The following OLFM2 variants were observed in gnomAD, a reference collection of about 807,000 sequenced individuals.
OLFM2 encodes the protein olfactomedin 2, also known as noelin-2.
A neutral mutation model predicts 43.9 loss-of-function variants in OLFM2; 20 were observed. The ratio of observed to expected loss-of-function variants is 0.46; its 90% CI spans 0.32 to 0.66. OLFM2 has a LOEUF of 0.66. OLFM2 is among the 30% of genes least tolerant of loss of function. The probability of loss-of-function intolerance (pLI) is 0.04; values close to 1 mark genes in which losing one functional copy is unlikely to be tolerated. For missense variants in OLFM2, 416 were observed against 643.6 expected, an observed-to-expected ratio of 0.65 and a Z score of 3.83; for synonymous variants, 268 against 278.6, an observed-to-expected ratio of 0.96 and a Z score of 0.38.
At chr19:9,870,223 G>A (rs1036197263) in intron 1 of OLFM2, among the ~76,000 whole-genome samples, 20 of 152,166 alleles carry the variant, frequency 1.3e-4, no homozygotes, top group African/African-American at 2.9e-4. Flanking sequence ...GTCATCACAC[G>A]CTGCCCTGCT....
chr19:9,913,558 G>A, intron 1 of OLFM2: 1 of 1,255,328 alleles, frequency 8.0e-7, no homozygotes, highest in African/African-American at 1.6e-5. Context: ...GCGACATCCA[G>A]TTGGTGACCA....
At chr19:9,923,658 GA>G (rs2086434322) in intron 1 of OLFM2, among the ~76,000 whole-genome samples, 2 of 143,614 alleles carry the variant, frequency 1.4e-5, no homozygotes, top group Non-Finnish European at 3.0e-5. Flanking sequence ...GAAAGGAAAA[GA>G]AAAGAAAGAA....
chr19:9,888,559 C>T (rs2046609666), intron 1 of OLFM2, among the ~76,000 whole-genome samples: 1 of 151,564 alleles, frequency 6.6e-6, no homozygotes. Flanking sequence ...CCCTGATCTC[C>T]CCTGGCCAGA....
intron 1 of OLFM2, among the ~76,000 whole-genome samples, chr19:9,919,174 C>CTCTTTCTTTTT (rs1555728844): frequency 8.1e-6 from 1 of 123,120 alleles, no homozygotes; most frequent in Non-Finnish European, 1.8e-5. Flanking sequence ...TCATTTCTCT[C>CTCTTTCTTTTT]TCTTTTTTTT....
At chr19:9,922,107 AGAAAT>A (rs1442297830) in intron 1 of OLFM2, among the ~76,000 whole-genome samples, 1 of 152,068 alleles carries the variant, frequency 6.6e-6, no homozygotes, top group East Asian at 1.9e-4. Context: ...AAAAAAAAAA[AGAAAT>A]GAAATGAAAT....
At chr19:9,859,085 G>C (rs2046346729) in intron 2 of OLFM2, among the ~76,000 whole-genome samples, 1 of 152,238 alleles carries the variant, frequency 6.6e-6, no homozygotes, top group Non-Finnish European at 1.5e-5. Context: ...CTCAGTCAGA[G>C]TTACCACTGG....
At chr19:9,870,590 C>A (rs1168680410) in intron 1 of OLFM2, among the ~76,000 whole-genome samples, 3 of 152,194 alleles carry the variant, frequency 2.0e-5, no homozygotes, top group Admixed American at 6.5e-5. Context: ...TTGTCTTTCC[C>A]TTCCCAGGTC....
intron 1 of OLFM2, among the ~76,000 whole-genome samples, chr19:9,896,487 T>C (rs577323533): frequency 1.3e-5 from 2 of 152,294 alleles, no homozygotes; most frequent in Non-Finnish European, 2.9e-5. Flanking sequence ...AGCCTGGAAC[T>C]CCTGGCTCAA....
chr19:9,925,180 C>T (rs564339562), intron 1 of OLFM2, among the ~76,000 whole-genome samples: 1 of 152,164 alleles, frequency 6.6e-6, no homozygotes, highest in Admixed American at 6.6e-5. Flanking sequence ...TGGCTTGAGT[C>T]CGGAAGGCGG....
intron 1 of OLFM2, among the ~76,000 whole-genome samples, chr19:9,874,468 C>T (rs895736407): frequency 1.3e-5 from 2 of 151,650 alleles, no homozygotes; most frequent in Non-Finnish European, 2.9e-5. Context: ...TGCCCAGCCA[C>T]CACCGGCTTT....
intron 1 of OLFM2, among the ~76,000 whole-genome samples, chr19:9,900,976 A>G (rs1180798558): frequency 4.5e-5 from 2 of 44,880 alleles, no homozygotes; most frequent in African/African-American, 3.6e-4. Context: ...GGAAGGAAGG[A>G]AGGAAGGAAG....
chr19:9,897,416 G>A (rs1302382552), intron 1 of OLFM2, among the ~76,000 whole-genome samples: 1 of 152,012 alleles, frequency 6.6e-6, no homozygotes, highest in Non-Finnish European at 1.5e-5. Flanking sequence ...AGGATTGCCT[G>A]AGCCTAGGGA....
At chr19:9,859,061 C>T (rs981216291) in intron 2 of OLFM2, among the ~76,000 whole-genome samples, 1 of 152,246 alleles carries the variant, frequency 6.6e-6, no homozygotes, top group Non-Finnish European at 1.5e-5. Flanking sequence ...TGGACTCTGC[C>T]TGGCTAAGGT....
rs778203583 is a variant in OLFM2 at position 9,856,928 on chromosome 19, C to T, written c.581-15G>A. ...CTTCCCACAGCCTGGGAGGCAGGAA[C>T]AGGGGGAATGAGGATGGGGAAATGA... On this transcript the variant is annotated splice_polypyrimidine_tract_variant and intron_variant, in intron 4 of 5. Coordinates refer to ENST00000264833, the MANE Select transcript of OLFM2 (RefSeq NM_058164.4). This position sits in a 1 kb window ranked among gnomAD's most constrained non-coding sequence, Gnocchi z 4.0. 1.3e-6 allele frequency: 2 copies of T among 1,585,336 alleles called. No homozygotes were observed. Among genetic ancestry groups the T allele is most frequent in the Non-Finnish European group, 1.7e-6 (2 of 1,161,386 alleles).
At chr19:9,897,927 G>A (rs2046700463) in intron 1 of OLFM2, among the ~76,000 whole-genome samples, 1 of 151,962 alleles carries the variant, frequency 6.6e-6, no homozygotes, top group African/African-American at 2.4e-5. Flanking sequence ...CTTTTAGACA[G>A]GGTCTCGCTC....
intron 1 of OLFM2, among the ~76,000 whole-genome samples, chr19:9,915,540 C>T (rs981688915): frequency 1.5e-5 from 2 of 129,390 alleles, no homozygotes; most frequent in South Asian, 2.5e-4. Context: ...TTATTTGAGA[C>T]GGAGTCTTGC....
chr19:9,891,559 G>A (rs189841323), intron 1 of OLFM2, among the ~76,000 whole-genome samples: 1 of 151,398 alleles, frequency 6.6e-6, no homozygotes, highest in Admixed American at 6.6e-5. Context: ...GGGAGGCAGA[G>A]GTGAGCTGAG....
chr19:9,853,799 A>G lies in OLFM2; in HGVS notation c.*387T>C, dbSNP rs1162199228. On this transcript the variant is annotated 3_prime_UTR_variant, in exon 6 of 6. Coordinates refer to ENST00000264833, the MANE Select transcript of OLFM2 (RefSeq NM_058164.4). Reference sequence around the variant, plus strand: ...AAAAAGAAACAGATCCATGCACTCAACTCCTGGGGGTGGGGGTGGGGGTGG... The same window carrying G: ...AAAAAGAAACAGATCCATGCACTCAGCTCCTGGGGGTGGGGGTGGGGGTGG... 1 of 154,642 alleles carries G rather than the reference A, an allele frequency of 6.5e-6. No individual in the cohort carries two copies. The highest frequency in any genetic ancestry group is 1.2e-5 in the Non-Finnish European group (1 of 86,238). The allele number at this position is 154,642 out of a possible 1,614,324, so 9.6% of individuals were successfully genotyped here.
chr19:9,870,313 A>G (rs1433357568), intron 1 of OLFM2, among the ~76,000 whole-genome samples: 1 of 152,192 alleles, frequency 6.6e-6, no homozygotes, highest in African/African-American at 2.4e-5. Flanking sequence ...CACAATAAAA[A>G]GGATCTGGCA....
Sources: gnomAD v4.1 joint callset for allele counts (sites outside exome capture counted in the v4.1 genomes callset) on GRCh38, gnomAD v4.1.1 for gene constraint, Gnocchi (gnomAD v3.1) non-coding constraint, MANE v1.5 for transcripts, NCBI Gene and HGNC (gene_info 2026-07-23, HGNC 2026-07-21) for gene names.